Variants in ELFN2 observed in about 807,000 individuals in gnomAD.
ELFN2 encodes protein phosphatase 1 regulatory subunit 29.
In ELFN2, 17 loss-of-function variants were observed where a neutral mutation model predicts 45.5. That is an observed-to-expected ratio of 0.37 (90% CI 0.26 to 0.56). The LOEUF (loss-of-function observed/expected upper bound fraction) is 0.56, where lower values mean the gene tolerates loss of function less well. Ranked by LOEUF, ELFN2 falls within the 20% of genes least tolerant of loss-of-function variation. ELFN2 has a pLI of 0.77. For missense variants in ELFN2, 922 were observed against 1,183.2 expected (o/e 0.78, Z 3.24); for synonymous variants, 550 against 551.5 (o/e 1.00, Z 0.04).
intron 1 of ELFN2, among the ~76,000 whole-genome samples, chr22:37,362,093 A>G (rs1260827553): frequency 6.6e-6 from 1 of 152,212 alleles, no homozygotes; most frequent in Non-Finnish European, 1.5e-5. Flanking sequence ...CCAACTGGAC[A>G]GTCAATCCTG....
Position 37,375,154 on chromosome 22 carries a change from G to T in ELFN2, c.381C>A (p.Ser127Arg). The T allele has an allele frequency of 6.2e-7, 1 of 1,613,948 alleles. No homozygotes were observed. The change falls in exon 3 of 3, where the codon AGC (serine) becomes AGA (arginine). Residue 127 changes from serine to arginine, a missense_variant. Physicochemically the swap from Ser to Arg is moderately radical, Grantham distance 110. Transcript: ENST00000402918. ...GCTGGACAAAGAGGAACTGCAGGCG[G>T]CTCATGCCTCGCAGCATGCCCTCCG... ...NLTEGMLRGM[S>R]RLQFLFVQHN... is the part of the protein sequence containing the mutation.
intron 2 of ELFN2, among the ~76,000 whole-genome samples, chr22:37,383,655 C>T (rs906115302): frequency 1.1e-4 from 16 of 152,366 alleles, no homozygotes; most frequent in Admixed American, 3.3e-4. Context: ...CCCAAGCAGC[C>T]GCACACCCAC....
intron 1 of ELFN2, among the ~76,000 whole-genome samples, chr22:37,425,677 G>C (rs985120065): frequency 6.6e-6 from 1 of 152,050 alleles, no homozygotes; most frequent in Admixed American, 6.5e-5. Flanking sequence ...CTGCCTAGGC[G>C]TTGATGGCCC....
chr22:37,353,626 A>G (rs1466614026), intron 1 of ELFN2: 1 of 151,128 alleles, frequency 6.6e-6, no homozygotes, highest in Non-Finnish European at 1.5e-5. Context: ...CATTTCACAA[A>G]AGAGGACAAT....
intron 1 of ELFN2, among the ~76,000 whole-genome samples, chr22:37,420,914 G>A (rs984532911): frequency 2.0e-5 from 3 of 152,134 alleles, no homozygotes; most frequent in Non-Finnish European, 4.4e-5. Context: ...GTTCTGGGAG[G>A]AGTCTCAGAG....
chr22:37,417,662 A>T lies in ELFN2; in HGVS notation c.-463+107T>A, dbSNP rs1165410104. 6.6e-6 allele frequency: 1 copy of T among 152,592 alleles called. No individual in the cohort carries two copies. Among genetic ancestry groups the T allele is most frequent in the Middle Eastern group, 3.4e-3 (1 of 294 alleles). 9.5% of individuals were successfully genotyped at this position (152,592 alleles called of 1,614,324 possible). A position where few individuals can be genotyped will look rare whatever the true frequency, so the allele number is the denominator to read the frequency against. ...AGGGGCCAGGCCCACAAGAAGGAAC[A>T]CACAGAAGCCTGAGGCTGGGCCACA... On this transcript the variant is annotated intron_variant, in intron 2 of 2. Transcript: ENST00000402918. This position sits in a 1 kb window ranked among gnomAD's most constrained non-coding sequence, Gnocchi z 4.5.
chr22:37,420,774 G>T (rs1025227984), intron 1 of ELFN2, among the ~76,000 whole-genome samples: 9 of 152,204 alleles, frequency 5.9e-5, no homozygotes, highest in Admixed American at 3.9e-4. Context: ...CAACGAAACG[G>T]AAGATGATTA....
chr22:37,343,435 C>A (rs1601728699), intron 1 of ELFN2, among the ~76,000 whole-genome samples: 1 of 152,070 alleles, frequency 6.6e-6, no homozygotes, highest in Non-Finnish European at 1.5e-5. Context: ...ATCTGCTGGC[C>A]GATGCCCGCC....
chr22:37,382,436 G>T (rs4821658), intron 2 of ELFN2, among the ~76,000 whole-genome samples: 105,864 of 151,120 alleles, frequency 0.7, 37,176 homozygotes, highest in Admixed American at 0.79. Flanking sequence ...GTAGAGACGG[G>T]GTTTCACCAC....
At chr22:37,395,318 G>A (rs1448135184) in intron 2 of ELFN2, among the ~76,000 whole-genome samples, 3 of 151,998 alleles carry the variant, frequency 2.0e-5, no homozygotes, top group Non-Finnish European at 4.4e-5. Context: ...AGCATCAATC[G>A]AGTGCCGACC....
chr22:37,409,974 G>A (rs1402305368), intron 2 of ELFN2, among the ~76,000 whole-genome samples: 3 of 152,182 alleles, frequency 2.0e-5, no homozygotes, highest in Admixed American at 6.5e-5. Flanking sequence ...CACGCCGAGA[G>A]CATGTGCCAG....
Position 37,375,295 on chromosome 22 carries a change from G to A in ELFN2, c.240C>T (p.Asn80=), listed in dbSNP as rs529405505. ...VLYSSLNRFG[N]LTDLNLTKNE... ...TCTTGGTGAGGTTGAGGTCGGTGAG[G>A]TTCCCAAAGCGGTTGAGCGAGGAGT... The change falls in exon 3 of 3, where the codon AAC becomes AAT. Residue 80 remains asparagine, a synonymous_variant. Transcript: ENST00000402918. 23 of 1,614,034 alleles carry A rather than the reference G, an allele frequency of 1.4e-5. No homozygotes were observed. The highest frequency in any genetic ancestry group is 1.9e-5 in the Non-Finnish European group (22 of 1,180,036).
At chr22:37,350,061 C>T (rs1409886115) in intron 1 of ELFN2, among the ~76,000 whole-genome samples, 1 of 150,926 alleles carries the variant, frequency 6.6e-6, no homozygotes, top group African/African-American at 2.4e-5. Context: ...GCTGCCTGGG[C>T]TGTGGTACGC....
rs1487961281 is a variant in ELFN2, at chr22:37,373,301, T to C, written c.2234A>G (p.Gln745Arg). Residue 745 changes from glutamine (Q) to arginine (R), a missense_variant, in exon 3 of 3, where the codon CAG becomes CGG. Coordinates refer to ENST00000402918, the MANE Select transcript of ELFN2 (RefSeq NM_052906.5). Reference protein sequence around the residue: ...TRSKRDSTYSQLSPRHYYSGY... With the variant: ...TRSKRDSTYSRLSPRHYYSGY... ...TGAGTAGTAGTGTCTGGGGGAGAGC[T>C]GCGAGTAGGTGGAGTCACGCTTGGA... The C allele has an allele frequency of 1.2e-6, 2 of 1,613,616 alleles. No individual in the cohort carries two copies. The highest frequency in any genetic ancestry group is 3.3e-5 in the Admixed American group (2 of 60,010).
At position 37,374,339 on chromosome 22, in the gene ELFN2, A is replaced by C. The variant is rs772927788; in HGVS notation, c.1196T>G (p.Met399Arg). 6.2e-7 allele frequency: 1 copy of C among 1,613,870 alleles called. No homozygotes were observed. The highest frequency in any genetic ancestry group is 1.3e-5 in the African/African-American group (1 of 74,920). Reference protein sequence around the residue: ...PSTSTTTHYIMTILGCLFGMV... With the variant: ...PSTSTTTHYIRTILGCLFGMV... ...GCCAAAGAGGCAGCCCAGGATGGTCATGATGTAGTGGGTGGTGGTGGAGGT... is the reference window on the plus strand; with the variant it reads ...GCCAAAGAGGCAGCCCAGGATGGTCCTGATGTAGTGGGTGGTGGTGGAGGT... The change falls in exon 3 of 3, where the codon ATG (methionine) becomes AGG (arginine). Residue 399 changes from methionine (M) to arginine (R), a missense_variant. Coordinates refer to ENST00000402918, the MANE Select transcript of ELFN2 (RefSeq NM_052906.5).
intron 2 of ELFN2, among the ~76,000 whole-genome samples, chr22:37,409,358 G>A (rs1258759185): frequency 6.6e-6 from 1 of 152,200 alleles, no homozygotes; most frequent in Admixed American, 6.5e-5. Flanking sequence ...AGCAGGTGGA[G>A]AACAGCAGGG....
rs1489109669 is a variant in ELFN2, at chr22:37,375,168, G to A, written c.367C>T (p.Leu123=). Residue 123 remains leucine, a synonymous_variant, in exon 3 of 3, where the codon CTG becomes TTG. Transcript: ENST00000402918. ...NKLSNLTEGM[L]RGMSRLQFLF... ...AACTGCAGGCGGCTCATGCCTCGCA[G>A]CATGCCCTCCGTCAGGTTGCTGAGC... 6.2e-7 allele frequency: 1 copy of A among 1,614,030 alleles called. No homozygotes were observed. Among genetic ancestry groups the A allele is most frequent in the Non-Finnish European group, 8.5e-7 (1 of 1,180,018 alleles).
intron 2 of ELFN2, among the ~76,000 whole-genome samples, chr22:37,405,480 C>T (rs1366802524): frequency 6.6e-6 from 1 of 152,042 alleles, no homozygotes; most frequent in East Asian, 1.9e-4. Context: ...AATAAGAAAA[C>T]ATGTCAGGCA....
At position 37,374,853 on chromosome 22, in the gene ELFN2, C is replaced by A. The variant is rs1354660699; in HGVS notation, c.682G>T (p.Val228Leu). The change falls in exon 3 of 3, where the codon GTG (valine) becomes TTG (leucine). Residue 228 changes from valine to leucine, a missense_variant. Val to Leu is a conservative substitution (Grantham distance 32). Coordinates refer to ENST00000402918, the MANE Select transcript of ELFN2 (RefSeq NM_052906.5). The stretch of plus-strand genomic sequence containing the variant: ...TTGAGGCTGTGGTAGGGCCGGGGCA[C>A]CAGCAGCGGGTAGCCGGCAAACTCC... ...PREFAGYPLL[V>L]PRPYHSLNAI... 6.2e-7 allele frequency: 1 copy of A among 1,607,948 alleles called. No homozygotes were observed. The highest frequency in any genetic ancestry group is 8.5e-7 in the Non-Finnish European group (1 of 1,179,820).
Sources: gnomAD v4.1 joint callset for allele counts (sites outside exome capture counted in the v4.1 genomes callset) on GRCh38, gnomAD v4.1.1 for gene constraint, Gnocchi (gnomAD v3.1) non-coding constraint, MANE v1.5 for transcripts, NCBI Gene and HGNC (gene_info 2026-07-23, HGNC 2026-07-21) for gene names.